The following URGCP variants were observed in gnomAD, a reference collection of about 807,000 sequenced individuals.
URGCP encodes the protein up-regulator of cell proliferation.
URGCP carries 13 observed loss-of-function variants against 24.6 expected under a neutral mutation model. The observed-to-expected ratio is 0.53, with a 90% CI of 0.34 to 0.84. The LOEUF (loss-of-function observed/expected upper bound fraction) is 0.84. Among genes scored for constraint, URGCP ranks in the 40% least tolerant of loss-of-function variants. The probability of loss-of-function intolerance (pLI) is 0.01; values close to 1 mark genes in which losing one functional copy is unlikely to be tolerated. For synonymous variants in URGCP, 444 were observed against 487.2 expected (o/e 0.91, Z 1.17); for missense variants, 899 against 1,194.3 (o/e 0.75, Z 3.64).
chr7:43,910,415 A>C (rs1467122620), upstream of URGCP, among the ~76,000 whole-genome samples: 1 of 100,952 alleles, frequency 9.9e-6, no homozygotes, highest in African/African-American at 4.2e-5. Flanking sequence ...TTTTTTGTAG[A>C]GACAGGATTT....
At chr7:43,909,517 A>T (rs1019000766), upstream of URGCP, among the ~76,000 whole-genome samples, 2 of 152,018 alleles carry the variant, frequency 1.3e-5, no homozygotes, top group Non-Finnish European at 2.9e-5. Flanking sequence ...ACTTGAGGTC[A>T]GAAGTTTGAG....
chr7:43,883,854 G>A (rs1340493873), intron 3 of URGCP, among the ~76,000 whole-genome samples: 1 of 152,162 alleles, frequency 6.6e-6, no homozygotes, highest in Non-Finnish European at 1.5e-5. Flanking sequence ...AGCATGAGAA[G>A]ATCAGAGAAG....
chr7:43,893,897 GA>G (rs1325303067), intron 1 of URGCP, among the ~76,000 whole-genome samples: 1 of 149,732 alleles, frequency 6.7e-6, no homozygotes, highest in Non-Finnish European at 1.5e-5. Context: ...GTAAAGGGAC[GA>G]AAAAAAAATA....
intron 1 of URGCP, among the ~76,000 whole-genome samples, chr7:43,922,095 C>T (rs765763324): frequency 2.0e-5 from 3 of 152,030 alleles, no homozygotes; most frequent in African/African-American, 7.3e-5. Flanking sequence ...GAGTGGGTCT[C>T]GCACTGTCAC....
chr7:43,881,135 T>TC, intron 5 of URGCP: 1 of 696,744 alleles, frequency 1.4e-6, no homozygotes, highest in Admixed American at 2.1e-5. Flanking sequence ...ACATTGTTTT[T>TC]CTTGTCCAGA....
intron 1 of URGCP, 168 bp downstream of exon 1, chr7:43,906,393 AG>A: frequency 1.3e-6 from 1 of 749,352 alleles, no homozygotes; most frequent in Non-Finnish European, 1.6e-6. Flanking sequence ...GGTCCGCCCA[AG>A]GTCGGCGCGA....
chr7:43,902,910 G>A (rs2095894039), intron 1 of URGCP, among the ~76,000 whole-genome samples: 1 of 152,130 alleles, frequency 6.6e-6, no homozygotes, highest in Non-Finnish European at 1.5e-5. Context: ...AGACACAGAT[G>A]GGCAGCATTA....
chr7:43,923,094 C>G (rs2095924417), intron 1 of URGCP, among the ~76,000 whole-genome samples: 1 of 151,974 alleles, frequency 6.6e-6, no homozygotes, highest in African/African-American at 2.4e-5. Flanking sequence ...AGCGATTCTC[C>G]TGCTTCAGCC....
chr7:43,888,484 A>T (rs2095865447), intron 1 of URGCP: 1 of 151,404 alleles, frequency 6.6e-6, no homozygotes, highest in African/African-American at 2.4e-5. Flanking sequence ...CTGGGTGACA[A>T]GAACAAAACT....
intron 1 of URGCP, among the ~76,000 whole-genome samples, chr7:43,924,773 T>C (rs1188044384): frequency 6.6e-6 from 1 of 152,078 alleles, no homozygotes; most frequent in African/African-American, 2.4e-5. Flanking sequence ...GAGGATACTT[T>C]GAGTTTTTGT....
intron 1 of URGCP, among the ~76,000 whole-genome samples, chr7:43,915,499 G>A (rs2095914524): frequency 6.6e-6 from 1 of 152,080 alleles, no homozygotes; most frequent in Non-Finnish European, 1.5e-5. Flanking sequence ...TTACAATATT[G>A]GGGGTATTCC....
intron 1 of URGCP, among the ~76,000 whole-genome samples, chr7:43,891,188 C>T (rs1264674474): frequency 6.6e-6 from 1 of 152,140 alleles, no homozygotes; most frequent in Admixed American, 6.5e-5. Flanking sequence ...GGGCAAACCT[C>T]GTGGGCAGAA....
In URGCP at chr7:43,878,936, G is replaced by A; in HGVS notation, c.527C>T (p.Thr176Ile). The A allele has an allele frequency of 6.2e-7, 1 of 1,614,236 alleles. No individual in the cohort carries two copies. Among genetic ancestry groups the A allele is most frequent in the Non-Finnish European group, 8.5e-7 (1 of 1,180,042 alleles). Residue 176 changes from threonine to isoleucine, a missense_variant, in exon 6 of 6, where the codon ACC becomes ATC. Coordinates refer to ENST00000453200, the MANE Select transcript of URGCP (RefSeq NM_001077663.3). The surrounding 1 kb of genome is among the most constrained non-coding windows in gnomAD (Gnocchi z 5.6). ...ADIYSFSELPTPDTPVNPLDL... is the reference protein window; with the variant it reads ...ADIYSFSELPIPDTPVNPLDL... ...TAAGGGGTTCACTGGCGTATCAGGG[G>A]TGGGCAGCTCAGAAAAGGAATAAAT...
At position 43,906,587 on chromosome 7, in the gene URGCP, G is replaced by C. The variant is rs1440706839; in HGVS notation, c.-12C>G. ...CCGGGCGACGCCATGAGCGCAGCGA[G>C]GTCTCCGCTCCCGCCTCCTTCGCTT... On this transcript the variant is annotated 5_prime_UTR_variant, in exon 1 of 6. Transcript: ENST00000453200. 3.2e-6 allele frequency: 4 copies of C among 1,234,910 alleles called. No individual in the cohort carries two copies. Among genetic ancestry groups the C allele is most frequent in the Non-Finnish European group, 4.1e-6 (4 of 980,906 alleles). 76.5% of individuals were successfully genotyped at this position (1,234,910 alleles called of 1,614,324 possible). A position where few individuals can be genotyped will look rare whatever the true frequency, so the allele number is the denominator to read the frequency against.
chr7:43,909,780 C>T (rs530228286), upstream of URGCP, among the ~76,000 whole-genome samples: 9 of 149,928 alleles, frequency 6.0e-5, no homozygotes, highest in African/African-American at 2.2e-4. Flanking sequence ...CTGTGCCTCA[C>T]GCCTGTAATC....
intron 1 of URGCP, among the ~76,000 whole-genome samples, chr7:43,896,433 C>A (rs1325246331): frequency 2.2e-5 from 3 of 136,330 alleles, no homozygotes; most frequent in Admixed American, 8.1e-5. Flanking sequence ...CCAGCCTGGG[C>A]GACAGAGAGA....
chr7:43,922,207 G>A (rs2095923233), intron 1 of URGCP, among the ~76,000 whole-genome samples: 1 of 152,128 alleles, frequency 6.6e-6, no homozygotes, highest in Non-Finnish European at 1.5e-5. Flanking sequence ...GATTACAGGT[G>A]TGCACCATCA....
In URGCP at chr7:43,876,664, C is replaced by A. The variant is rs1388746366; in HGVS notation, c.*3G>T. On this transcript the variant is annotated 3_prime_UTR_variant, in exon 6 of 6. Transcript: ENST00000453200. ...TACACCTGAACTGGGTTTCTCTGCACACTCACAGCCGTCTCACCAGCTCAA... is the reference window on the plus strand; with the variant it reads ...TACACCTGAACTGGGTTTCTCTGCAAACTCACAGCCGTCTCACCAGCTCAA... The A allele has an allele frequency of 1.2e-6, 2 of 1,612,352 alleles. No homozygotes were observed. Among genetic ancestry groups the A allele is most frequent in the East Asian group, 4.5e-5 (2 of 44,880 alleles).
intron 1 of URGCP, among the ~76,000 whole-genome samples, chr7:43,913,729 C>T (rs1012501307): frequency 1.1e-4 from 17 of 151,996 alleles, no homozygotes; most frequent in Admixed American, 6.6e-4. Flanking sequence ...GATGGAATCT[C>T]GCTCTGTTGC....
Sources: allele counts gnomAD v4.1 joint callset (sites outside exome capture counted in the v4.1 genomes callset), GRCh38; gene constraint gnomAD v4.1.1; non-coding constraint Gnocchi (gnomAD v3.1); transcripts MANE v1.5; gene names NCBI Gene and HGNC (gene_info 2026-07-23, HGNC 2026-07-21).